Variants in CNTNAP2 observed in about 807,000 individuals in gnomAD.
CNTNAP2 encodes the protein contactin-associated protein-like 2.
Under a neutral mutation model 155.2 loss-of-function variants are expected in CNTNAP2, and 98 were observed. The ratio of observed to expected loss-of-function variants is 0.63; its 90% CI spans 0.54 to 0.75. The LOEUF is 0.75. Ranked by LOEUF, CNTNAP2 falls within the 30% of genes least tolerant of loss-of-function variation. The pLI is 0.00. For missense variants in CNTNAP2, 1,727 were observed against 1,688.1 expected, an observed-to-expected ratio of 1.02 and a Z score of -0.40; for synonymous variants, 651 against 631.2, an observed-to-expected ratio of 1.03 and a Z score of -0.47.
intron 1 of CNTNAP2, among the ~76,000 whole-genome samples, chr7:146,615,163 G>T (rs375329665): frequency 6.6e-6 from 1 of 152,234 alleles, no homozygotes; most frequent in East Asian, 1.9e-4. Flanking sequence ...CAGCACAGCT[G>T]TGTGCTATTA....
intron 8 of CNTNAP2, among the ~76,000 whole-genome samples, chr7:147,226,261 G>T (rs182135692): frequency 1.1e-3 from 165 of 152,288 alleles, no homozygotes; most frequent in Non-Finnish European, 2.0e-3. Flanking sequence ...GATGGTTGTT[G>T]TTGCAGCTGT....
chr7:147,804,410 C>T (rs1798057442), intron 13 of CNTNAP2, among the ~76,000 whole-genome samples: 2 of 152,122 alleles, frequency 1.3e-5, no homozygotes, highest in African/African-American at 4.8e-5. Flanking sequence ...AGAGTTTACT[C>T]CACAATGCCA....
intron 8 of CNTNAP2, among the ~76,000 whole-genome samples, chr7:147,269,066 C>T (rs1207850811): frequency 6.6e-6 from 1 of 152,120 alleles, no homozygotes; most frequent in Non-Finnish European, 1.5e-5. Context: ...TGAAATGCTT[C>T]CTGAGTGTAA....
At chr7:147,740,079 C>G (rs1215531084) in intron 13 of CNTNAP2, among the ~76,000 whole-genome samples, 1 of 152,138 alleles carries the variant, frequency 6.6e-6, no homozygotes, top group Non-Finnish European at 1.5e-5. Context: ...TCCAGGCATC[C>G]ACAGAGGGGC....
chr7:146,168,268 A>G (rs1456828179), intron 1 of CNTNAP2, among the ~76,000 whole-genome samples: 1 of 152,180 alleles, frequency 6.6e-6, no homozygotes, highest in Non-Finnish European at 1.5e-5. Context: ...ACAGTCATGT[A>G]TTATACATGA....
intron 16 of CNTNAP2, among the ~76,000 whole-genome samples, chr7:148,127,380 A>G (rs145380767): frequency 3.6e-4 from 55 of 152,342 alleles, no homozygotes; most frequent in African/African-American, 1.3e-3. Context: ...AGTAGGTAAC[A>G]TTCAGGAAAA....
Position 146,630,609 on chromosome 7 carries a change from G to A in CNTNAP2, c.98-143662G>A, listed in dbSNP as rs554828221. ...ACACCCCCACTAACATGGTAAAAGC[G>A]TTCCTGTTTCTCCACAGCCTCAACA... On this transcript the variant is annotated intron_variant, in intron 1 of 23. Transcript: ENST00000361727. Among the ~76,000 whole-genome samples the A allele has an allele frequency of 6.6e-5, 10 of 152,058 alleles. No homozygotes were observed. In the South Asian group the frequency reaches 8.3e-4, roughly 13 times the overall value.
At chr7:147,356,280 G>T (rs114286907) in intron 9 of CNTNAP2, among the ~76,000 whole-genome samples, 2 of 151,952 alleles carry the variant, frequency 1.3e-5, no homozygotes, top group African/African-American at 4.8e-5. Flanking sequence ...TTGATGGAAG[G>T]TATCTCAAAA....
At chr7:146,793,449 T>A (rs959297538) in intron 2 of CNTNAP2, among the ~76,000 whole-genome samples, 2 of 152,064 alleles carry the variant, frequency 1.3e-5, no homozygotes, top group Non-Finnish European at 2.9e-5. Context: ...ATGTGCAGGG[T>A]GTAATCATAT....
chr7:147,110,854 A>G (rs749259344), intron 5 of CNTNAP2, among the ~76,000 whole-genome samples: 1 of 152,146 alleles, frequency 6.6e-6, no homozygotes, highest in Non-Finnish European at 1.5e-5. Flanking sequence ...ATGTATCTTT[A>G]TAATAGAATA....
At chr7:147,879,115 A>G (rs1799475114) in intron 13 of CNTNAP2, among the ~76,000 whole-genome samples, 2 of 152,186 alleles carry the variant, frequency 1.3e-5, no homozygotes, top group Admixed American at 6.5e-5. Flanking sequence ...TGTATGGTAC[A>G]TTTCTGAACA....
intron 2 of CNTNAP2, among the ~76,000 whole-genome samples, chr7:146,788,146 A>G (rs1158239468): frequency 6.6e-6 from 1 of 152,150 alleles, no homozygotes; most frequent in Non-Finnish European, 1.5e-5. Context: ...CCCCCAAACA[A>G]GCCCAGCAGG....
intron 10 of CNTNAP2, among the ~76,000 whole-genome samples, chr7:147,420,012 A>G (rs541150299): frequency 6.6e-6 from 1 of 152,332 alleles, no homozygotes; most frequent in South Asian, 2.1e-4. Flanking sequence ...AGATTCCACT[A>G]GACACACAGG....
At chr7:147,294,111 C>T (rs1304588176) in intron 8 of CNTNAP2, among the ~76,000 whole-genome samples, 1 of 152,172 alleles carries the variant, frequency 6.6e-6, no homozygotes, top group Non-Finnish European at 1.5e-5. Flanking sequence ...CCAATTCAAT[C>T]TCAGCCTCTT....
intron 18 of CNTNAP2, among the ~76,000 whole-genome samples, chr7:148,177,914 A>G (rs754066351): frequency 1.1e-4 from 16 of 147,610 alleles, no homozygotes; most frequent in Admixed American, 2.7e-4. Context: ...TTTTTGCTAC[A>G]TCTAGGTGTA....
chr7:147,466,273 G>C (rs549790186), intron 10 of CNTNAP2, among the ~76,000 whole-genome samples: 1 of 152,172 alleles, frequency 6.6e-6, no homozygotes, highest in African/African-American at 2.4e-5. Context: ...CTTCTTTCAG[G>C]GTATGGAAGG....
chr7:147,128,630 T>G, intron 6 of CNTNAP2, 63 bp from the exon 7 acceptor site: 2 of 1,582,018 alleles, frequency 1.3e-6, no homozygotes, highest in Non-Finnish European at 1.7e-6. Context: ...ACTGTATTCA[T>G]AGTTTTGTCT....
At chr7:147,340,984 A>T (rs1349433098) in intron 9 of CNTNAP2, among the ~76,000 whole-genome samples, 1 of 151,928 alleles carries the variant, frequency 6.6e-6, no homozygotes, top group Non-Finnish European at 1.5e-5. Flanking sequence ...GGATTCCATA[A>T]GAATTTGTTC....
chr7:146,125,545 C>A (rs1271811636), intron 1 of CNTNAP2, among the ~76,000 whole-genome samples: 1 of 135,020 alleles, frequency 7.4e-6, no homozygotes, highest in Non-Finnish European at 1.5e-5. Context: ...CACTGCACTC[C>A]AGCCTGGGTG....
Sources: allele counts gnomAD v4.1 joint callset (sites outside exome capture counted in the v4.1 genomes callset), GRCh38; gene constraint gnomAD v4.1.1; transcripts MANE v1.5; gene names NCBI Gene and HGNC (gene_info 2026-07-23, HGNC 2026-07-21).